SLC2A13: variants seen among roughly 807,000 people sequenced by gnomAD.
SLC2A13 encodes the protein solute carrier family 2 member 13.
In SLC2A13, 32 loss-of-function variants were observed where a neutral mutation model predicts 64.4. That is an observed-to-expected ratio of 0.50 (90% CI 0.37 to 0.67). The LOEUF is 0.67. SLC2A13 is among the 30% of genes least tolerant of loss of function. The pLI is 0.00. For synonymous variants in SLC2A13, 338 were observed against 327.1 expected, an observed-to-expected ratio of 1.03 and a Z score of -0.36; for missense variants, 743 against 829.2, an observed-to-expected ratio of 0.90 and a Z score of 1.28.
At chr12:39,846,407 G>C (rs1437309217) in intron 6 of SLC2A13, among the ~76,000 whole-genome samples, 1 of 152,094 alleles carries the variant, frequency 6.6e-6, no homozygotes, top group Non-Finnish European at 1.5e-5. Flanking sequence ...GTTAAAGCAT[G>C]GTTCTGCTGT....
At chr12:39,771,539 T>C (rs558641380) in intron 7 of SLC2A13, among the ~76,000 whole-genome samples, 1 of 152,224 alleles carries the variant, frequency 6.6e-6, no homozygotes, top group Admixed American at 6.5e-5. Context: ...CAGCTGAGCC[T>C]TAGAGGAAAC....
At chr12:39,773,097 C>T (rs971014404) in intron 7 of SLC2A13, among the ~76,000 whole-genome samples, 1 of 152,198 alleles carries the variant, frequency 6.6e-6, no homozygotes, top group Non-Finnish European at 1.5e-5. Flanking sequence ...GAACATAATG[C>T]TCCCGAAAAG....
intron 3 of SLC2A13, among the ~76,000 whole-genome samples, chr12:39,991,471 G>A (rs1360547900): frequency 6.6e-6 from 1 of 152,146 alleles, no homozygotes; most frequent in African/African-American, 2.4e-5. Context: ...ATAAGTGCAT[G>A]TCTAGCTAGG....
chr12:39,996,195 G>A (rs1324853458), intron 3 of SLC2A13, among the ~76,000 whole-genome samples: 1 of 152,186 alleles, frequency 6.6e-6, no homozygotes, highest in Non-Finnish European at 1.5e-5. Flanking sequence ...TTATGTTTTA[G>A]CAAAGAGACT....
chr12:40,015,897 G>A (rs1009333142), intron 3 of SLC2A13, among the ~76,000 whole-genome samples: 4 of 152,206 alleles, frequency 2.6e-5, no homozygotes, highest in African/African-American at 9.6e-5. Context: ...ACACTGGATT[G>A]TTGTAGCATT....
chr12:40,087,043 T>A (rs1938609278), intron 1 of SLC2A13, among the ~76,000 whole-genome samples: 1 of 152,154 alleles, frequency 6.6e-6, no homozygotes, highest in African/African-American at 2.4e-5. Context: ...GTCCTCAGAT[T>A]GATTTCCTCT....
At chr12:40,044,777 C>A (rs1948146837) in intron 2 of SLC2A13, among the ~76,000 whole-genome samples, 1 of 152,152 alleles carries the variant, frequency 6.6e-6, no homozygotes. Context: ...TCTACAACAT[C>A]AAAATCTAAA....
At chr12:40,069,178 A>G (rs1211240664) in intron 1 of SLC2A13, among the ~76,000 whole-genome samples, 3 of 152,192 alleles carry the variant, frequency 2.0e-5, no homozygotes, top group African/African-American at 4.8e-5. Flanking sequence ...GAGTGAGGAA[A>G]GAAAAAGAGA....
intron 1 of SLC2A13, among the ~76,000 whole-genome samples, chr12:40,048,482 T>C (rs1227638324): frequency 2.0e-5 from 3 of 152,152 alleles, no homozygotes; most frequent in African/African-American, 7.2e-5. Flanking sequence ...TCAGAGTGCA[T>C]ATAAGTATGC....
intron 4 of SLC2A13, among the ~76,000 whole-genome samples, chr12:39,946,065 T>C (rs1946127580): frequency 6.6e-6 from 1 of 152,212 alleles, no homozygotes; most frequent in Non-Finnish European, 1.5e-5. Flanking sequence ...GATGTAATAC[T>C]CTCCCCCTTT....
At chr12:39,862,389 C>T (rs1943786123) in intron 6 of SLC2A13, among the ~76,000 whole-genome samples, 1 of 152,160 alleles carries the variant, frequency 6.6e-6, no homozygotes, top group African/African-American at 2.4e-5. Context: ...ATACTCATCA[C>T]TGTGGTCTAT....
chr12:39,979,099 T>A (rs955135006), intron 3 of SLC2A13, among the ~76,000 whole-genome samples: 2 of 151,630 alleles, frequency 1.3e-5, no homozygotes, highest in African/African-American at 4.9e-5. Context: ...CCAACAGACC[T>A]GCAGCTGAGG....
intron 3 of SLC2A13, among the ~76,000 whole-genome samples, chr12:39,977,352 A>T (rs1946781239): frequency 1.3e-5 from 2 of 152,340 alleles, no homozygotes; most frequent in South Asian, 4.1e-4. Context: ...TGTGTCTCTG[A>T]TCTCTTTCAG....
At chr12:39,982,538 C>G (rs1946927634) in intron 3 of SLC2A13, among the ~76,000 whole-genome samples, 1 of 151,044 alleles carries the variant, frequency 6.6e-6, no homozygotes, top group Non-Finnish European at 1.5e-5. Flanking sequence ...CAACAACAGA[C>G]AAACAGAGAG....
intron 2 of SLC2A13, among the ~76,000 whole-genome samples, chr12:40,039,282 T>C (rs527397955): frequency 6.6e-6 from 1 of 152,356 alleles, no homozygotes; most frequent in Admixed American, 6.5e-5. Context: ...CTTTTGTATA[T>C]TACATCTTTT....
Position 40,074,708 on chromosome 12 carries a change from C to G in SLC2A13, c.557-26498G>C, listed in dbSNP as rs567834825. 2.0e-5 allele frequency among the ~76,000 whole-genome samples: 3 copies of G among 152,200 alleles called. 1 individual carries two copies. Among genetic ancestry groups the G allele is most frequent in the East Asian group, 1.9e-4 (1 of 5,178 alleles). ...TCTCTTCCTTCAGCCCATTTTTCCC[C>G]CTTTTACTGTATCTTCTCATTTTTT... On this transcript the variant is annotated intron_variant, in intron 1 of 9. Transcript: ENST00000280871.
intron 2 of SLC2A13, among the ~76,000 whole-genome samples, chr12:40,039,715 C>A (rs1948052875): frequency 6.6e-6 from 1 of 152,124 alleles, no homozygotes; most frequent in Non-Finnish European, 1.5e-5. Context: ...CAGAGATCTC[C>A]CACACACTTC....
intron 4 of SLC2A13, among the ~76,000 whole-genome samples, chr12:39,913,599 C>T (rs1317478429): frequency 6.7e-6 from 1 of 150,320 alleles, no homozygotes; most frequent in Non-Finnish European, 1.5e-5. Context: ...AAGTATTAAC[C>T]AAATGAAATA....
Position 40,028,686 on chromosome 12 carries a change from G to A in SLC2A13, c.717-177C>T, listed in dbSNP as rs147058149. Among the ~76,000 whole-genome samples, 205 of 152,188 alleles carry A rather than the reference G, an allele frequency of 1.3e-3. 2 individuals are homozygous for A. Among genetic ancestry groups the A allele is most frequent in the African/African-American group, 4.7e-3 (196 of 41,524 alleles). ...AAAAAGGATATTTTTGTGCTGCACT[G>A]AAAATTAAAAAATGAGAAAAATCTA... On this transcript the variant is annotated intron_variant, in intron 2 of 9. Transcript: ENST00000280871.
Sources: allele counts gnomAD v4.1 joint callset (sites outside exome capture counted in the v4.1 genomes callset), GRCh38; gene constraint gnomAD v4.1.1; transcripts MANE v1.5; gene names NCBI Gene and HGNC (gene_info 2026-07-23, HGNC 2026-07-21).